UBAP1: variants seen among roughly 807,000 people sequenced by gnomAD.
UBAP1 encodes ubiquitin-associated protein 1.
Under a neutral mutation model 39.0 loss-of-function variants are expected in UBAP1, and 5 were observed. The ratio of observed to expected loss-of-function variants is 0.13; its 90% CI spans 0.07 to 0.27. The LOEUF is 0.27. UBAP1 is among the 10% of genes least tolerant of loss of function. The pLI is 1.00. For missense variants in UBAP1, 490 were observed against 608.1 expected (o/e 0.81, Z 2.04); for synonymous variants, 211 against 225.1 (o/e 0.94, Z 0.56).
At position 34,251,599 on chromosome 9, in the gene UBAP1, T is replaced by C. The variant is rs1834537167; in HGVS notation, c.*67T>C. ...TGGGAGGCCCTGCAGAGCCCACCTG[T>C]GGGGAAAGAGAAGGGGCAGCTTCCG... On this transcript the variant is annotated 3_prime_UTR_variant, in exon 7 of 7. Coordinates refer to ENST00000297661, the MANE Select transcript of UBAP1 (RefSeq NM_016525.5). 1 of 1,552,844 alleles carries C rather than the reference T, an allele frequency of 6.4e-7. No homozygotes were observed.
At position 34,181,116 on chromosome 9, in the gene UBAP1, C is replaced by CT. The variant is rs67856544; in HGVS notation, c.-8+1893dup. Among the ~76,000 whole-genome samples, 98 of 72,264 alleles carry CT rather than the reference C, an allele frequency of 1.4e-3. 5 individuals carry two copies. Among genetic ancestry groups the CT allele is most frequent in the South Asian group, 7.4e-3 (13 of 1,750 alleles). The allele number at this position is 72,264 out of a possible 152,430, so 47.4% of individuals were successfully genotyped here. On this transcript the variant is annotated intron_variant, in intron 1 of 6. Coordinates refer to ENST00000297661, the MANE Select transcript of UBAP1 (RefSeq NM_016525.5). ...TGAGCCACCGCACCCGGCCTGTTTTCTTTTTTTTTTTTTTTTTGAGACAGA... is the reference window on the plus strand; with the variant it reads ...TGAGCCACCGCACCCGGCCTGTTTTCTTTTTTTTTTTTTTTTTTGAGACAGA...
intron 1 of UBAP1, among the ~76,000 whole-genome samples, chr9:34,195,973 G>A (rs1435230821): frequency 1.2e-5 from 1 of 85,018 alleles, no homozygotes; most frequent in African/African-American, 4.8e-5. Flanking sequence ...TTGAGATAGA[G>A]TCTCACTATG....
chr9:34,204,770 G>A (rs1831592115), intron 1 of UBAP1, among the ~76,000 whole-genome samples: 1 of 151,974 alleles, frequency 6.6e-6, no homozygotes, highest in Non-Finnish European at 1.5e-5. Context: ...CTTCTGGTAT[G>A]AATTGTGATA....
rs1465184507 is a variant in UBAP1 at position 34,226,127 on chromosome 9, G to GTGTGTGTGTGTT, written c.34+5190_34+5191insTTGTGTGTGTGT. ...CTATTGTGTGTGTGTGTGTGTGTGT[G>GTGTGTGTGTGTT]TGTGTGTGTGTGTGTGTGTGTGTGT... On this transcript the variant is annotated intron_variant, in intron 2 of 6. Coordinates refer to ENST00000297661, the MANE Select transcript of UBAP1 (RefSeq NM_016525.5). Among the ~76,000 whole-genome samples, 325 of 137,390 alleles carry GTGTGTGTGTGTT rather than the reference G, an allele frequency of 2.4e-3. 2 individuals are homozygous for GTGTGTGTGTGTT. The highest frequency in any genetic ancestry group is 3.8e-3 in the Middle Eastern group (1 of 264). The allele number at this position is 137,390 out of a possible 152,430, so 90.1% of individuals were successfully genotyped here.
At chr9:34,215,952 A>C (rs1198514678) in intron 1 of UBAP1, among the ~76,000 whole-genome samples, 1 of 152,092 alleles carries the variant, frequency 6.6e-6, no homozygotes, top group African/African-American at 2.4e-5. Flanking sequence ...ATAATATATA[A>C]TATGGGAAAA....
chr9:34,242,240 G>T, intron 4 of UBAP1, 132 bp downstream of exon 4: 1 of 970,420 alleles, frequency 1.0e-6, no homozygotes, highest in Non-Finnish European at 1.5e-6. Flanking sequence ...GCAGTGGTGT[G>T]ATCGTACCTT....
At chr9:34,181,470 T>G (rs1336355155) in intron 1 of UBAP1, among the ~76,000 whole-genome samples, 3 of 144,510 alleles carry the variant, frequency 2.1e-5, no homozygotes, top group African/African-American at 7.8e-5. Context: ...TCTCCCTCTG[T>G]CGCCCAGGCT....
At chr9:34,228,658 C>T (rs964752082) in intron 2 of UBAP1, among the ~76,000 whole-genome samples, 1 of 150,234 alleles carries the variant, frequency 6.7e-6, no homozygotes, top group African/African-American at 2.5e-5. Context: ...CCGCCTCCGC[C>T]TCCTGGGTTC....
intron 2 of UBAP1, among the ~76,000 whole-genome samples, chr9:34,227,421 TA>T (rs1189182845): frequency 6.6e-6 from 1 of 152,204 alleles, no homozygotes; most frequent in African/African-American, 2.4e-5. Flanking sequence ...ATCTTCTTTT[TA>T]AAAAAACCTC....
intron 1 of UBAP1, among the ~76,000 whole-genome samples, chr9:34,195,693 G>A (rs564918192): frequency 8.8e-4 from 133 of 151,702 alleles, no homozygotes; most frequent in African/African-American, 3.0e-3. Flanking sequence ...CGCCTCCCAG[G>A]TTCAAGCGAT....
intron 4 of UBAP1, among the ~76,000 whole-genome samples, chr9:34,243,762 T>C (rs1194173393): frequency 6.6e-6 from 1 of 152,142 alleles, no homozygotes; most frequent in Non-Finnish European, 1.5e-5. Flanking sequence ...AGTGCTGGGA[T>C]TACAGGTGTG....
intron 5 of UBAP1, 84 bp downstream of exon 5, chr9:34,250,045 T>A (rs903806332): frequency 7.0e-7 from 1 of 1,428,962 alleles, no homozygotes; most frequent in Non-Finnish European, 9.6e-7. Context: ...CCCCTCAGAC[T>A]TGTAGCACCA....
intron 1 of UBAP1, among the ~76,000 whole-genome samples, chr9:34,188,233 C>A (rs1357610762): frequency 6.6e-6 from 1 of 151,666 alleles, no homozygotes; most frequent in Non-Finnish European, 1.5e-5. Flanking sequence ...AATAGTATAC[C>A]TTTGACATTT....
Position 34,252,336 on chromosome 9 carries a change from C to G in UBAP1, c.*804C>G, listed in dbSNP as rs1257473323. Reference sequence around the variant, plus strand: ...TCCTTGAACAGCTTCCCCTCCAGCCCACTGCTTTAGGATGACACAATGAAT... The same window carrying G: ...TCCTTGAACAGCTTCCCCTCCAGCCGACTGCTTTAGGATGACACAATGAAT... On this transcript the variant is annotated 3_prime_UTR_variant, in exon 7 of 7. Transcript: ENST00000297661. 1.3e-5 allele frequency: 2 copies of G among 152,640 alleles called. No individual in the cohort carries two copies. The highest frequency in any genetic ancestry group is 4.8e-5 in the African/African-American group (2 of 41,432). 9.5% of individuals were successfully genotyped at this position (152,640 alleles called of 1,614,324 possible). A position where few individuals can be genotyped will look rare whatever the true frequency, so the allele number is the denominator to read the frequency against.
At chr9:34,196,751 A>G (rs1048011714) in intron 1 of UBAP1, among the ~76,000 whole-genome samples, 1 of 151,952 alleles carries the variant, frequency 6.6e-6, no homozygotes, top group Non-Finnish European at 1.5e-5. Context: ...AGCTTCACTG[A>G]TTCTTCAGCT....
intron 3 of UBAP1, among the ~76,000 whole-genome samples, chr9:34,235,575 G>A (rs28844916): frequency 0.031 from 4,680 of 152,140 alleles, 239 homozygotes; most frequent in African/African-American, 0.11. Context: ...TCCTGACCTC[G>A]TGATCTGCCT....
chr9:34,193,831 G>T (rs1347143301), intron 1 of UBAP1, among the ~76,000 whole-genome samples: 1 of 152,162 alleles, frequency 6.6e-6, no homozygotes, highest in Non-Finnish European at 1.5e-5. Flanking sequence ...GGCTTTTGTG[G>T]AAGCTTCATG....
chr9:34,203,305 C>G (rs1390672441), intron 1 of UBAP1, among the ~76,000 whole-genome samples: 1 of 152,186 alleles, frequency 6.6e-6, no homozygotes, highest in Non-Finnish European at 1.5e-5. Flanking sequence ...GAGCAAGACC[C>G]TGTCTCTAAA....
At chr9:34,208,933 G>A (rs1831868192) in intron 1 of UBAP1, among the ~76,000 whole-genome samples, 1 of 151,250 alleles carries the variant, frequency 6.6e-6, no homozygotes, top group African/African-American at 2.4e-5. Context: ...ACTCAGCTTC[G>A]TATTTTAGTT....
Sources: gnomAD v4.1 joint callset for allele counts (sites outside exome capture counted in the v4.1 genomes callset) on GRCh38, gnomAD v4.1.1 for gene constraint, MANE v1.5 for transcripts, NCBI Gene and HGNC (gene_info 2026-07-23, HGNC 2026-07-21) for gene names.